The following NR3C1 variants were observed in gnomAD, a reference collection of about 807,000 sequenced individuals.
NR3C1 encodes nuclear receptor subfamily 3 group C member 1.
NR3C1 carries 14 observed loss-of-function variants against 74.0 expected under a neutral mutation model. That is an observed-to-expected ratio of 0.19 (90% confidence interval 0.12 to 0.30). The LOEUF (loss-of-function observed/expected upper bound fraction) is 0.30. Ranked by LOEUF, NR3C1 falls within the 10% of genes least tolerant of loss-of-function variation. The pLI is 1.00. For synonymous variants in NR3C1, 308 were observed against 332.5 expected (o/e 0.93, Z 0.80); for missense variants, 695 against 909.8 (o/e 0.76, Z 3.04).
At chr5:143,285,857 G>GTT (rs1331158907) in intron 7 of NR3C1, among the ~76,000 whole-genome samples, 5 of 150,684 alleles carry the variant, frequency 3.3e-5, no homozygotes, top group Admixed American at 1.3e-4. Flanking sequence ...AAAATGGAAA[G>GTT]GATAAAGAGT....
At chr5:143,396,995 T>C (rs61751172) in intron 2 of NR3C1, among the ~76,000 whole-genome samples, 3 of 151,910 alleles carry the variant, frequency 2.0e-5, no homozygotes, top group Non-Finnish European at 4.4e-5. Context: ...TAGTTTGTTT[T>C]ACTTAAAGAA....
In NR3C1 at chr5:143,281,119, C is replaced by CTTTTTTTTTTTTT; in HGVS notation, c.*757_*769dup. On this transcript the variant is annotated 3_prime_UTR_variant, in exon 9 of 9. Coordinates refer to ENST00000394464, the MANE Select transcript of NR3C1 (RefSeq NM_000176.3). ...GAAGCAGATATATACAAAATATGAG[C>CTTTTTTTTTTTTT]TTTTTTTTTTTTTTTTTTGACAAGA... 1 of 120,042 alleles carries CTTTTTTTTTTTTT rather than the reference C, an allele frequency of 8.3e-6. No individual in the cohort carries two copies. The highest frequency in any genetic ancestry group is 1.7e-5 in the Non-Finnish European group (1 of 58,102). 7.4% of individuals were successfully genotyped at this position (120,042 alleles called of 1,614,324 possible).
Position 143,399,854 on chromosome 5 carries a change from C to A in NR3C1, c.986G>T (p.Gly329Val). ...ATTCATGTCATAGTGGTACATCTGTCCTCCAGAGGTACTCACACCATGAAC... is the reference window on the plus strand; with the variant it reads ...ATTCATGTCATAGTGGTACATCTGTACTCCAGAGGTACTCACACCATGAAC... Reference protein sequence around the residue: ...ISVHGVSTSGGQMYHYDMNTA... With the variant: ...ISVHGVSTSGVQMYHYDMNTA... Residue 329 changes from glycine to valine, a missense_variant, in exon 2 of 9, where the codon GGA becomes GTA. This residue lies in a region of NR3C1 where 497 missense variants were observed against 489.5 expected (regional missense o/e 1.02). Transcript: ENST00000394464. 6.2e-7 allele frequency: 1 copy of A among 1,614,106 alleles called. No individual in the cohort carries two copies. Among genetic ancestry groups the A allele is most frequent in the Non-Finnish European group, 8.5e-7 (1 of 1,179,992 alleles).
At chr5:143,330,999 G>C (rs1825829792) in intron 2 of NR3C1, among the ~76,000 whole-genome samples, 1 of 152,218 alleles carries the variant, frequency 6.6e-6, no homozygotes, top group South Asian at 2.1e-4. Context: ...AATAGCCAAA[G>C]CAATCCTAAG....
At chr5:143,342,831 C>T (rs1211454646) in intron 2 of NR3C1, among the ~76,000 whole-genome samples, 5 of 152,130 alleles carry the variant, frequency 3.3e-5, no homozygotes, top group African/African-American at 1.2e-4. Context: ...TTCATGCCGC[C>T]ATGTGAGAAT....
intron 7 of NR3C1, among the ~76,000 whole-genome samples, chr5:143,293,297 A>C (rs114825723): frequency 0.037 from 5,624 of 152,318 alleles, 306 homozygotes; most frequent in African/African-American, 0.12. Flanking sequence ...CAAATATTGC[A>C]TGTTCTCACT....
At chr5:143,358,877 T>A (rs1279156453) in intron 2 of NR3C1, among the ~76,000 whole-genome samples, 2 of 150,238 alleles carry the variant, frequency 1.3e-5, no homozygotes, top group Non-Finnish European at 3.0e-5. Flanking sequence ...TCCAGCCCCG[T>A]GAACAAGAGC....
At chr5:143,336,442 C>T (rs1225430811) in intron 2 of NR3C1, among the ~76,000 whole-genome samples, 1 of 152,110 alleles carries the variant, frequency 6.6e-6, no homozygotes, top group Non-Finnish European at 1.5e-5. Flanking sequence ...GGATTGTTGG[C>T]TTCCTAAGAT....
At chr5:143,364,891 G>A (rs1832923397) in intron 2 of NR3C1, among the ~76,000 whole-genome samples, 1 of 151,962 alleles carries the variant, frequency 6.6e-6, no homozygotes, top group South Asian at 2.1e-4. Context: ...TTTTTTTGTA[G>A]AGACAGTATC....
chr5:143,367,048 A>G (rs1196875152), intron 2 of NR3C1, among the ~76,000 whole-genome samples: 1 of 152,210 alleles, frequency 6.6e-6, no homozygotes, highest in African/African-American at 2.4e-5. Flanking sequence ...ACAAGTATAT[A>G]AAAAGGATTA....
intron 2 of NR3C1, among the ~76,000 whole-genome samples, chr5:143,384,266 C>G (rs1233070574): frequency 6.6e-6 from 1 of 152,116 alleles, no homozygotes; most frequent in Non-Finnish European, 1.5e-5. Flanking sequence ...GTGGGGATTA[C>G]AAGTGATTGA....
chr5:143,400,329 T>C lies in NR3C1; in HGVS notation c.511A>G (p.Lys171Glu), dbSNP rs760636069. The C allele has an allele frequency of 1.9e-6, 3 of 1,613,318 alleles. No individual in the cohort carries two copies. The highest frequency in any genetic ancestry group is 2.5e-6 in the Non-Finnish European group (3 of 1,179,450). The change falls in exon 2 of 9, where the codon AAG becomes GAG. Residue 171 changes from lysine (K) to glutamate (E), a missense_variant. Lys to Glu is a moderately conservative substitution (Grantham distance 56). Transcript: ENST00000394464. The stretch of plus-strand genomic sequence containing the variant: ...CCACCGTTGGTGCCAGTCTGGCCCT[T>C]CAAATGTTGCTGTTCTGAAGATACA... ...SDVSSEQQHL[K>E]GQTGTNGGNV... is the part of the protein sequence containing the mutation.
intron 2 of NR3C1, among the ~76,000 whole-genome samples, chr5:143,356,109 T>C (rs1831082008): frequency 1.3e-5 from 2 of 152,226 alleles, no homozygotes; most frequent in African/African-American, 4.8e-5. Context: ...CAATCCACTT[T>C]CCATAATCTC....
intron 7 of NR3C1, chr5:143,294,910 G>T: frequency 3.0e-6 from 3 of 984,556 alleles, no homozygotes; most frequent in Non-Finnish European, 3.6e-6. Context: ...GTCTTTGCTA[G>T]CTAAAAAGTA....
At chr5:143,378,523 A>G (rs1835627147) in intron 2 of NR3C1, among the ~76,000 whole-genome samples, 1 of 152,214 alleles carries the variant, frequency 6.6e-6, no homozygotes, top group South Asian at 2.1e-4. Context: ...ATAATGCCAG[A>G]GGTGGTGGTC....
chr5:143,368,386 A>T, intron 2 of NR3C1, among the ~76,000 whole-genome samples: 1 of 152,330 alleles, frequency 6.6e-6, no homozygotes, highest in South Asian at 2.1e-4. Context: ...TGGACTTCAT[A>T]AAAATTAAAA....
intron 1 of NR3C1, among the ~76,000 whole-genome samples, chr5:143,424,005 T>A (rs138729285): frequency 1.5e-5 from 2 of 130,552 alleles, no homozygotes; most frequent in South Asian, 2.4e-4. Context: ...AGGTGGGAAT[T>A]GAACAATGAG....
intron 4 of NR3C1, among the ~76,000 whole-genome samples, chr5:143,306,755 G>T (rs1819678107): frequency 6.6e-6 from 1 of 151,406 alleles, no homozygotes; most frequent in African/African-American, 2.4e-5. Flanking sequence ...ACATGTAGTA[G>T]TTTTCAACAA....
chr5:143,366,458 C>T (rs111440401), intron 2 of NR3C1, among the ~76,000 whole-genome samples: 36,399 of 150,020 alleles, frequency 0.24, 4,956 homozygotes, highest in Non-Finnish European at 0.32. Flanking sequence ...TGCAATGAGC[C>T]GAGATTGCAC....
Sources: allele counts gnomAD v4.1 joint callset (sites outside exome capture counted in the v4.1 genomes callset), GRCh38; gene constraint gnomAD v4.1.1; regional missense constraint gnomAD v4.1.1; transcripts MANE v1.5; gene names NCBI Gene and HGNC (gene_info 2026-07-23, HGNC 2026-07-21).